Variants in CYP2C19 observed in about 807,000 individuals in gnomAD.
CYP2C19 encodes cytochrome P450 family 2 subfamily C member 19, also known as cytochrome P450 2C19.
A neutral mutation model predicts 40.9 loss-of-function variants in CYP2C19; 59 were observed. That is an observed-to-expected ratio of 1.44 (90% CI 1.17 to 1.79). CYP2C19 has a LOEUF of 1.79. CYP2C19 is among the 40% of genes most tolerant of loss of function. The probability of loss-of-function intolerance (pLI) is 0.00; values close to 1 mark genes in which losing one functional copy is unlikely to be tolerated. For missense variants in CYP2C19, 754 were observed against 596.9 expected (o/e 1.26, Z -2.74); for synonymous variants, 253 against 208.7 (o/e 1.21, Z -1.83).
At chr10:94,791,378 T>C (rs1848603383) in intron 5 of CYP2C19, among the ~76,000 whole-genome samples, 1 of 152,178 alleles carries the variant, frequency 6.6e-6, no homozygotes, top group Non-Finnish European at 1.5e-5. Flanking sequence ...AGTTCTGCTC[T>C]GATCTTAGTT....
chr10:94,777,787 C>T (rs1848428387), intron 3 of CYP2C19, among the ~76,000 whole-genome samples: 1 of 151,910 alleles, frequency 6.6e-6, no homozygotes, highest in South Asian at 2.1e-4. Flanking sequence ...GCAACAAAAG[C>T]CAAAATTGAC....
At chr10:94,805,257 G>A (rs1848817356) in intron 5 of CYP2C19, among the ~76,000 whole-genome samples, 1 of 151,822 alleles carries the variant, frequency 6.6e-6, no homozygotes, top group African/African-American at 2.4e-5. Context: ...GAGTATTTTT[G>A]TTATGATAGG....
chr10:94,793,886 C>T (rs1848644612), intron 5 of CYP2C19, among the ~76,000 whole-genome samples: 1 of 152,162 alleles, frequency 6.6e-6, no homozygotes, highest in Non-Finnish European at 1.5e-5. Flanking sequence ...TTCTTCAAAG[C>T]TGTCAGATAG....
chr10:94,780,794 T>C (rs768717382), intron 4 of CYP2C19, 135 bp downstream of exon 4: 14 of 961,812 alleles, frequency 1.5e-5, no homozygotes, highest in Non-Finnish European at 2.2e-5. Flanking sequence ...ATGGGGTGAA[T>C]ATCTGGAAAA....
At chr10:94,782,732 T>C (rs1848495401) in intron 5 of CYP2C19, among the ~76,000 whole-genome samples, 1 of 152,058 alleles carries the variant, frequency 6.6e-6, no homozygotes, top group Non-Finnish European at 1.5e-5. Context: ...AATGACAGAC[T>C]GGATTAAGAA....
intron 5 of CYP2C19, among the ~76,000 whole-genome samples, chr10:94,795,655 T>C (rs541211156): frequency 1.5e-3 from 223 of 152,270 alleles, no homozygotes; most frequent in African/African-American, 4.0e-3. Context: ...CCATATCCTC[T>C]CCAGCACCTG....
rs71031597 is a variant in CYP2C19, at chr10:94,818,012, C to CA, written c.820-2460dup. 8.9e-3 allele frequency among the ~76,000 whole-genome samples: 687 copies of CA among 76,880 alleles called. 6 individuals are homozygous for CA. The highest frequency in any genetic ancestry group is 0.018 in the African/African-American group (364 of 19,892). The allele number at this position is 76,880 out of a possible 152,430, so 50.4% of individuals were successfully genotyped here. The stretch of plus-strand genomic sequence containing the variant: ...TGGGCGACAGAGTGAGACTCCATCT[C>CA]AAAAAAAAAAAAAAAAAAAAAAAAT... On this transcript the variant is annotated intron_variant, in intron 5 of 8. Coordinates refer to ENST00000371321, the MANE Select transcript of CYP2C19 (RefSeq NM_000769.4).
intron 6 of CYP2C19, among the ~76,000 whole-genome samples, chr10:94,825,214 T>C (rs1264869463): frequency 7.0e-6 from 1 of 142,870 alleles, no homozygotes; most frequent in East Asian, 2.1e-4. Context: ...CAGTTCTAGA[T>C]CCCTGAGGAA....
intron 6 of CYP2C19, among the ~76,000 whole-genome samples, chr10:94,821,007 C>G (rs539220224): frequency 6.6e-6 from 1 of 151,922 alleles, no homozygotes. Flanking sequence ...CGCTTGAACC[C>G]GGGTGGTGGA....
intron 5 of CYP2C19, among the ~76,000 whole-genome samples, chr10:94,799,687 G>A (rs1401418954): frequency 1.3e-5 from 2 of 152,048 alleles, no homozygotes; most frequent in African/African-American, 4.8e-5. Context: ...TGGAGGCTTT[G>A]TTTGTTTCTC....
chr10:94,835,223 A>C (rs1361047183), intron 6 of CYP2C19, among the ~76,000 whole-genome samples: 1 of 152,148 alleles, frequency 6.6e-6, no homozygotes, highest in Non-Finnish European at 1.5e-5. Context: ...GACACACTTC[A>C]CAGGCCCTGA....
chr10:94,788,214 G>A lies in CYP2C19; in HGVS notation c.819+6217G>A, dbSNP rs528739852. On this transcript the variant is annotated intron_variant, in intron 5 of 8. Coordinates refer to ENST00000371321, the MANE Select transcript of CYP2C19 (RefSeq NM_000769.4). ...ATGTATACAAATGGTACTGAGTTTT[G>A]TACATTTATTTTGTGTGCTGAAATT... 1.7e-4 allele frequency among the ~76,000 whole-genome samples: 25 copies of A among 151,000 alleles called. No homozygotes were observed. In the South Asian group the frequency reaches 5.2e-3, roughly 32 times the overall value.
chr10:94,816,694 C>A (rs945154021), intron 5 of CYP2C19, among the ~76,000 whole-genome samples: 8 of 149,384 alleles, frequency 5.4e-5, no homozygotes, highest in South Asian at 4.3e-4. Context: ...CGTCATCTAG[C>A]CTTAGGTATA....
rs769431552 is a variant in CYP2C19, at chr10:94,854,055, G to C, written c.*1141G>C. Among the ~76,000 whole-genome samples, 6 of 148,416 alleles carry C rather than the reference G, an allele frequency of 4.0e-5. No individual in the cohort carries two copies. Among genetic ancestry groups the C allele is most frequent in the South Asian group, 2.1e-4 (1 of 4,686 alleles). On this transcript the variant is annotated 3_prime_UTR_variant, in exon 9 of 9. Coordinates refer to ENST00000371321, the MANE Select transcript of CYP2C19 (RefSeq NM_000769.4). The stretch of plus-strand genomic sequence containing the variant: ...TTTTTTGAAATGGAGTCCCACTTTT[G>C]TTCCCCAGGCTGGAGTGCAATGGTG...
In CYP2C19 at chr10:94,824,667, T is replaced by A. The variant is rs116131647; in HGVS notation, c.961+4030T>A. On this transcript the variant is annotated intron_variant, in intron 6 of 8. Transcript: ENST00000371321. ...TATGTTTTCAAACATTTCATTTTTT[T>A]AATTATACTTTAAGTTTTAGGGTAC... Among the ~76,000 whole-genome samples, 1,513 of 152,280 alleles carry A rather than the reference T, an allele frequency of 9.9e-3. 23 individuals are homozygous for A. Among genetic ancestry groups the A allele is most frequent in the African/African-American group, 0.034 (1,426 of 41,540 alleles).
At chr10:94,827,891 A>T (rs571243775) in intron 6 of CYP2C19, among the ~76,000 whole-genome samples, 98 of 151,984 alleles carry the variant, frequency 6.4e-4, no homozygotes, top group African/African-American at 2.2e-3. Flanking sequence ...TTCAAAGAAC[A>T]TCTTTATTTC....
At position 94,853,007 on chromosome 10, in the gene CYP2C19, C is replaced by T. The variant is rs775981161; in HGVS notation, c.*93C>T. 8.2e-5 allele frequency: 110 copies of T among 1,344,074 alleles called. No homozygotes were observed. In the African/African-American group the frequency reaches 1.2e-3, roughly 15 times the overall value. 83.3% of individuals were successfully genotyped at this position (1,344,074 alleles called of 1,614,324 possible). Reference sequence around the variant, plus strand: ...ACTATCTGTGATGCTTCTTCTGACCCGTCATCTCACATTTTCCCTTCCCCC... The same window carrying T: ...ACTATCTGTGATGCTTCTTCTGACCTGTCATCTCACATTTTCCCTTCCCCC... On this transcript the variant is annotated 3_prime_UTR_variant, in exon 9 of 9. Coordinates refer to ENST00000371321, the MANE Select transcript of CYP2C19 (RefSeq NM_000769.4).
At chr10:94,782,818 A>G (rs1194620208) in intron 5 of CYP2C19, among the ~76,000 whole-genome samples, 2 of 152,136 alleles carry the variant, frequency 1.3e-5, no homozygotes, top group African/African-American at 2.4e-5. Context: ...AGGGACATAG[A>G]TGAAGCTGGA....
chr10:94,853,615 G>A lies in CYP2C19; in HGVS notation c.*701G>A, dbSNP rs575542141. ...GGCTGGAGTGCAGTGGTGCAATCTC[G>A]GCTCACTGTAACCTTCGCCTCCCAG... is the stretch of plus-strand genomic sequence containing the variant. On this transcript the variant is annotated 3_prime_UTR_variant, in exon 9 of 9. Transcript: ENST00000371321. 6.8e-5 allele frequency among the ~76,000 whole-genome samples: 10 copies of A among 146,978 alleles called. No homozygotes were observed. The highest frequency in any genetic ancestry group is 2.2e-4 in the South Asian group (1 of 4,632).
Sources: allele counts gnomAD v4.1 joint callset (sites outside exome capture counted in the v4.1 genomes callset), GRCh38; gene constraint gnomAD v4.1.1; transcripts MANE v1.5; gene names NCBI Gene and HGNC (gene_info 2026-07-23, HGNC 2026-07-21).